The following SDCCAG8 variants were observed in gnomAD, a reference collection of about 807,000 sequenced individuals.
SDCCAG8 encodes SHH signaling and ciliogenesis regulator SDCCAG8, also known as serologically defined colon cancer antigen 8.
Under a neutral mutation model 101.8 loss-of-function variants are expected in SDCCAG8, and 74 were observed. The observed-to-expected ratio is 0.73, with a 90% confidence interval of 0.60 to 0.88. The LOEUF is 0.88. SDCCAG8 is among the 40% of genes least tolerant of loss of function. The probability of loss-of-function intolerance (pLI) is 0.00; values close to 1 mark genes in which losing one functional copy is unlikely to be tolerated. For synonymous variants in SDCCAG8, 281 were observed against 292.9 expected (o/e 0.96, Z 0.41); for missense variants, 787 against 822.6 (o/e 0.96, Z 0.53).
At chr1:243,383,989 T>G (rs2078115316) in intron 13 of SDCCAG8, among the ~76,000 whole-genome samples, 1 of 152,224 alleles carries the variant, frequency 6.6e-6, no homozygotes, top group Non-Finnish European at 1.5e-5. Flanking sequence ...CTGATTTTTC[T>G]ACCTAGGCCT....
At chr1:243,378,551 G>A (rs936687599) in intron 12 of SDCCAG8, among the ~76,000 whole-genome samples, 170 bp from the exon 13 acceptor site, 2 of 152,082 alleles carry the variant, frequency 1.3e-5, no homozygotes, top group Middle Eastern at 3.2e-3. Flanking sequence ...CCTCATTCAT[G>A]TGCATTTTTG....
At position 243,474,291 on chromosome 1, in the gene SDCCAG8, G is replaced by A. The variant is rs1661892515; in HGVS notation, c.1986-14723G>A. ...TTTCACCCATCTCCTCCTCTCAACC[G>A]TCATCCCGGTTTAATCCTCTCCTTC... is the stretch of plus-strand genomic sequence containing the variant. On this transcript the variant is annotated intron_variant, in intron 16 of 17. Transcript: ENST00000366541. This position sits in a 1 kb window ranked among gnomAD's most constrained non-coding sequence, Gnocchi z 4.7. 6.6e-6 allele frequency among the ~76,000 whole-genome samples: 1 copy of A among 152,142 alleles called. No individual in the cohort carries two copies. Among genetic ancestry groups the A allele is most frequent in the African/African-American group, 2.4e-5 (1 of 41,428 alleles).
intron 12 of SDCCAG8, among the ~76,000 whole-genome samples, chr1:243,361,817 A>G (rs976792701): frequency 1.3e-4 from 20 of 152,144 alleles, no homozygotes; most frequent in African/African-American, 4.8e-4. Context: ...CCCCTCCTTC[A>G]TGGAGCTTAT....
intron 15 of SDCCAG8, among the ~76,000 whole-genome samples, chr1:243,420,474 G>T (rs564964931): frequency 6.6e-6 from 1 of 152,046 alleles, no homozygotes; most frequent in Admixed American, 6.6e-5. Flanking sequence ...GTCATTTTCC[G>T]ACGGACATAA....
rs374231778 is a variant in SDCCAG8 at position 243,412,404 on chromosome 1, T to A, written c.1617-3298T>A. 3.9e-5 allele frequency among the ~76,000 whole-genome samples: 6 copies of A among 152,286 alleles called. No individual in the cohort carries two copies. The South Asian group carries it at 1.0e-3, about 26-fold the overall frequency. ...AGGAAAAAACAAAAAGGCCCGTGCA[T>A]AAATCTCATAATGTTTTAAGGAAGT... is the stretch of plus-strand genomic sequence containing the variant. On this transcript the variant is annotated intron_variant, in intron 13 of 17. Coordinates refer to ENST00000366541, the MANE Select transcript of SDCCAG8 (RefSeq NM_006642.5).
At chr1:243,371,551 A>G (rs1310487460) in intron 12 of SDCCAG8, among the ~76,000 whole-genome samples, 1 of 152,168 alleles carries the variant, frequency 6.6e-6, no homozygotes, top group Non-Finnish European at 1.5e-5. Flanking sequence ...TATTAAGTCC[A>G]CAGTGAAAGC....
At chr1:243,415,437 A>G (rs1307899828) in intron 13 of SDCCAG8, among the ~76,000 whole-genome samples, 2 of 152,224 alleles carry the variant, frequency 1.3e-5, no homozygotes, top group Non-Finnish European at 2.9e-5. Context: ...TTTGTGTTTT[A>G]AAGTTACAAA....
At chr1:243,451,664 C>A (rs555193541) in intron 16 of SDCCAG8, among the ~76,000 whole-genome samples, 147 of 152,272 alleles carry the variant, frequency 9.7e-4, no homozygotes, top group African/African-American at 3.4e-3. Flanking sequence ...ATGGCTCATG[C>A]CTGTAATCCC....
intron 16 of SDCCAG8, among the ~76,000 whole-genome samples, chr1:243,467,710 G>T (rs1459180221): frequency 6.6e-6 from 1 of 152,196 alleles, no homozygotes; most frequent in Non-Finnish European, 1.5e-5. Context: ...GACAATTTTA[G>T]TTATGTTAAA....
intron 8 of SDCCAG8, among the ~76,000 whole-genome samples, chr1:243,312,590 C>T (rs2072839552): frequency 6.6e-6 from 1 of 151,872 alleles, no homozygotes; most frequent in African/African-American, 2.4e-5. Flanking sequence ...CCTGTAATCC[C>T]AGTTACCTGG....
At chr1:243,355,369 T>C (rs1253162459) in intron 12 of SDCCAG8, among the ~76,000 whole-genome samples, 1 of 151,940 alleles carries the variant, frequency 6.6e-6, no homozygotes, top group African/African-American at 2.4e-5. Flanking sequence ...TCCATGGTAA[T>C]AAATTATACA....
intron 13 of SDCCAG8, among the ~76,000 whole-genome samples, chr1:243,386,768 T>TGAACGAGA (rs1553336963): frequency 0.06 from 8,642 of 143,432 alleles, 286 homozygotes; most frequent in South Asian, 0.11. Flanking sequence ...AGAAAGAAAG[T>TGAACGAGA]GAGAGAGAGA....
chr1:243,458,230 C>A lies in SDCCAG8; in HGVS notation c.1986-30784C>A, dbSNP rs1658232017. ...TCCTTTAGCCTCCCTGGCCAGGGAC[C>A]CTGGCCTCTGCTTTTGTGTTTCAAG... On this transcript the variant is annotated intron_variant, in intron 16 of 17. Coordinates refer to ENST00000366541, the MANE Select transcript of SDCCAG8 (RefSeq NM_006642.5). The surrounding 1 kb of genome is among the most constrained non-coding windows in gnomAD (Gnocchi z 4.5). 6.6e-6 allele frequency among the ~76,000 whole-genome samples: 1 copy of A among 152,132 alleles called. No homozygotes were observed. The highest frequency in any genetic ancestry group is 2.4e-5 in the African/African-American group (1 of 41,428).
At chr1:243,457,173 A>T (rs1277697635) in intron 16 of SDCCAG8, among the ~76,000 whole-genome samples, 1 of 152,212 alleles carries the variant, frequency 6.6e-6, no homozygotes, top group African/African-American at 2.4e-5. Flanking sequence ...TGATTATTTC[A>T]TATTTTTTTC....
chr1:243,482,593 G>C (rs1376197916), intron 16 of SDCCAG8, among the ~76,000 whole-genome samples: 1 of 152,212 alleles, frequency 6.6e-6, no homozygotes, highest in Non-Finnish European at 1.5e-5. Flanking sequence ...CATGGACCCT[G>C]TGCCTGAGAT....
chr1:243,342,616 G>C (rs1016859119), intron 11 of SDCCAG8, among the ~76,000 whole-genome samples: 1 of 152,116 alleles, frequency 6.6e-6, no homozygotes, highest in African/African-American at 2.4e-5. Flanking sequence ...TCAGTTCGGG[G>C]TTTTATTCCA....
At chr1:243,294,944 A>G (rs1283163368) in intron 6 of SDCCAG8, among the ~76,000 whole-genome samples, 3 of 152,136 alleles carry the variant, frequency 2.0e-5, no homozygotes, top group African/African-American at 4.8e-5. Flanking sequence ...ATCATAGTTC[A>G]GGTTCTCATT....
intron 16 of SDCCAG8, among the ~76,000 whole-genome samples, chr1:243,454,260 G>T (rs137945790): frequency 5.3e-4 from 80 of 152,074 alleles, no homozygotes; most frequent in Non-Finnish European, 9.9e-4. Flanking sequence ...CATATATACC[G>T]TGCAAGATGA....
At chr1:243,340,127 T>C (rs2075298408) in intron 10 of SDCCAG8, among the ~76,000 whole-genome samples, 1 of 152,230 alleles carries the variant, frequency 6.6e-6, no homozygotes, top group African/African-American at 2.4e-5. Context: ...TCTAAGTATT[T>C]ACTCATTCAT....
Sources: allele counts gnomAD v4.1 joint callset (sites outside exome capture counted in the v4.1 genomes callset), GRCh38; gene constraint gnomAD v4.1.1; non-coding constraint Gnocchi (gnomAD v3.1); transcripts MANE v1.5; gene names NCBI Gene and HGNC (gene_info 2026-07-23, HGNC 2026-07-21).